The following PPIP5K1 variants were observed in gnomAD, a reference collection of about 807,000 sequenced individuals.
The protein encoded by PPIP5K1 is inositol hexakisphosphate and diphosphoinositol-pentakisphosphate kinase 1.
A neutral mutation model predicts 27.7 loss-of-function variants in PPIP5K1; 6 were observed. The observed-to-expected ratio is 0.22, with a 90% confidence interval of 0.12 to 0.43. The LOEUF is 0.43. Among genes scored for constraint, PPIP5K1 ranks in the 20% least tolerant of loss-of-function variants. The pLI is 1.00. For synonymous variants in PPIP5K1, 145 were observed against 242.6 expected (o/e 0.60, Z 3.74); for missense variants, 394 against 635.4 (o/e 0.62, Z 4.08).
chr15:43,547,747 A>G (rs2081553454), intron 30 of PPIP5K1, among the ~76,000 whole-genome samples: 2 of 152,204 alleles, frequency 1.3e-5, no homozygotes, highest in Non-Finnish European at 2.9e-5. Context: ...TTTGATTACT[A>G]TAGCTTTGCA....
chr15:43,549,665 T>G (rs79197263), intron 30 of PPIP5K1, among the ~76,000 whole-genome samples: 345 of 151,648 alleles, frequency 2.3e-3, no homozygotes, highest in African/African-American at 8.1e-3. Context: ...AAAAAAAATC[T>G]TTATACAAAT....
intron 30 of PPIP5K1, among the ~76,000 whole-genome samples, chr15:43,547,704 T>C (rs569277264): frequency 1.3e-5 from 2 of 152,382 alleles, no homozygotes; most frequent in African/African-American, 4.8e-5. Flanking sequence ...TCTAGTGGTC[T>C]ATATGTTTAT....
intron 30 of PPIP5K1, among the ~76,000 whole-genome samples, chr15:43,543,339 A>C (rs539147007): frequency 5.7e-4 from 86 of 151,962 alleles, no homozygotes; most frequent in Admixed American, 1.6e-3. Flanking sequence ...TGGGTGCAGC[A>C]CACCAGCGTG....
In PPIP5K1 at chr15:43,546,654, ATT is replaced by A. The variant is rs58966502; in HGVS notation, c.3557-7073_3557-7072del. Among the ~76,000 whole-genome samples, 447 of 106,450 alleles carry A rather than the reference ATT, an allele frequency of 4.2e-3. 1 individual carries two copies. Among genetic ancestry groups the A allele is most frequent in the South Asian group, 6.7e-3 (22 of 3,296 alleles). 69.8% of individuals were successfully genotyped at this position (106,450 alleles called of 152,430 possible). ...GTATTTGTTTGAGTACCTGTTTTCA[ATT>A]TTTTTTTTTTTTTTTTTTTTTTTTG... On this transcript the variant is annotated intron_variant, in intron 30 of 31. Coordinates refer to ENST00000420765, the MANE Select transcript of PPIP5K1 (RefSeq NM_001394395.1).
chr15:43,545,877 T>A (rs187056275), intron 30 of PPIP5K1, among the ~76,000 whole-genome samples: 2 of 152,298 alleles, frequency 1.3e-5, no homozygotes, highest in African/African-American at 4.8e-5. Context: ...ACCACCTCTA[T>A]CTAGTTCCAA....
intron 30 of PPIP5K1, among the ~76,000 whole-genome samples, chr15:43,544,768 A>G (rs994622185): frequency 6.6e-6 from 1 of 152,194 alleles, no homozygotes; most frequent in African/African-American, 2.4e-5. Flanking sequence ...AGGCATGATC[A>G]TACCACAGTA....
At chr15:43,557,267 C>T (rs2083095897) in intron 30 of PPIP5K1, among the ~76,000 whole-genome samples, 1 of 151,986 alleles carries the variant, frequency 6.6e-6, no homozygotes, top group African/African-American at 2.4e-5. Context: ...GGCAACATGG[C>T]AAAACCCCAT....
At chr15:43,544,333 A>T (rs2081121229) in intron 30 of PPIP5K1, among the ~76,000 whole-genome samples, 1 of 152,126 alleles carries the variant, frequency 6.6e-6, no homozygotes, top group Non-Finnish European at 1.5e-5. Context: ...CCTGGTGATT[A>T]TTTCATATTA....
intron 30 of PPIP5K1, among the ~76,000 whole-genome samples, chr15:43,541,302 G>A (rs1236026706): frequency 6.6e-6 from 1 of 152,070 alleles, no homozygotes; most frequent in Non-Finnish European, 1.5e-5. Flanking sequence ...TAGTAGAGAT[G>A]GGCTTTTACC....
At chr15:43,558,065 C>CT (rs35463032) in intron 30 of PPIP5K1, among the ~76,000 whole-genome samples, 162 of 138,198 alleles carry the variant, frequency 1.2e-3, no homozygotes, top group Non-Finnish European at 1.2e-3. Context: ...TGCAATTATC[C>CT]TTTTTTTTTT....
At chr15:43,547,824 T>C (rs537731045) in intron 30 of PPIP5K1, among the ~76,000 whole-genome samples, 1 of 152,226 alleles carries the variant, frequency 6.6e-6, no homozygotes, top group Non-Finnish European at 1.5e-5. Flanking sequence ...TTCTTTTGGC[T>C]GTTCAGGCCC....
At chr15:43,548,105 AT>A (rs890236892) in intron 30 of PPIP5K1, among the ~76,000 whole-genome samples, 2 of 146,378 alleles carry the variant, frequency 1.4e-5, no homozygotes, top group East Asian at 2.0e-4. Context: ...CACCCAGCTA[AT>A]TTTTTTTTTC....
At chr15:43,548,336 T>C (rs2081640621) in intron 30 of PPIP5K1, 2 of 151,810 alleles carry the variant, frequency 1.3e-5, no homozygotes, top group Admixed American at 1.3e-4. Context: ...CTTGAACTCC[T>C]GACCTTATGA....
rs1029307576 is a variant in PPIP5K1, at chr15:43,558,935, G to C, written c.3419-3C>G. ...CACCATGGAACACCCTTCAAACCCTGTTTGAAAAGAGATGGGCAAAGTCAA... is the reference window on the plus strand; with the variant it reads ...CACCATGGAACACCCTTCAAACCCTCTTTGAAAAGAGATGGGCAAAGTCAA... On this transcript the variant is annotated splice_region_variant and splice_polypyrimidine_tract_variant and intron_variant, in intron 29 of 31. Transcript: ENST00000420765. The C allele has an allele frequency of 1.7e-5, 27 of 1,613,054 alleles. No individual in the cohort carries two copies. The highest frequency in any genetic ancestry group is 2.7e-5 in the African/African-American group (2 of 74,892).
Position 43,534,426 on chromosome 15 carries a change from C to T in PPIP5K1, c.*248G>A, listed in dbSNP as rs2079565183. 2.6e-6 allele frequency: 1 copy of T among 377,514 alleles called. No homozygotes were observed. The highest frequency in any genetic ancestry group is 9.4e-5 in the South Asian group (1 of 10,680). 23.4% of individuals were successfully genotyped at this position (377,514 alleles called of 1,614,324 possible). A position where few individuals can be genotyped will look rare whatever the true frequency, so the allele number is the denominator to read the frequency against. On this transcript the variant is annotated 3_prime_UTR_variant, in exon 32 of 32. Transcript: ENST00000420765. ...GGTATGCTTCATACAAAGAGAACTA[C>T]TTCCCCAGACACCGCTGGTGAGAGC...
intron 30 of PPIP5K1, among the ~76,000 whole-genome samples, chr15:43,551,975 A>AG (rs1301511445): frequency 2.4e-5 from 3 of 126,712 alleles, no homozygotes; most frequent in African/African-American, 8.0e-5. Context: ...TATTGATTTC[A>AG]GATTTTTTTT....
At chr15:43,552,394 G>A (rs1370591062) in intron 30 of PPIP5K1, among the ~76,000 whole-genome samples, 2 of 151,518 alleles carry the variant, frequency 1.3e-5, no homozygotes, top group African/African-American at 4.9e-5. Context: ...GTTCTTCTTC[G>A]ACTCATTTGT....
chr15:43,549,080 T>TAC (rs1555427780), intron 30 of PPIP5K1, among the ~76,000 whole-genome samples: 4 of 113,178 alleles, frequency 3.5e-5, no homozygotes, highest in South Asian at 2.9e-4. Flanking sequence ...TATATATATA[T>TAC]ACATATATAT....
At chr15:43,551,536 C>CAAG (rs1567046756) in intron 30 of PPIP5K1, among the ~76,000 whole-genome samples, 3 of 142,248 alleles carry the variant, frequency 2.1e-5, no homozygotes, top group Non-Finnish European at 3.0e-5. Flanking sequence ...AAAAAACCCA[C>CAAG]AATAATAATA....
Sources: allele counts gnomAD v4.1 joint callset (sites outside exome capture counted in the v4.1 genomes callset), GRCh38; gene constraint gnomAD v4.1.1; transcripts MANE v1.5; gene names NCBI Gene and HGNC (gene_info 2026-07-23, HGNC 2026-07-21).